Variants in DOCK11 observed in about 807,000 individuals in gnomAD.
DOCK11 encodes dedicator of cytokinesis protein 11.
In DOCK11, 70 loss-of-function variants were observed where a neutral mutation model predicts 169.1. The ratio of observed to expected loss-of-function variants is 0.41; its 90% confidence interval spans 0.34 to 0.51. The LOEUF is 0.51. Among genes scored for constraint, DOCK11 ranks in the 20% least tolerant of loss-of-function variants. The pLI is 0.10. For missense variants in DOCK11, 1,166 were observed against 1,538.8 expected (o/e 0.76, Z 4.05); for synonymous variants, 529 against 541.3 (o/e 0.98, Z 0.32).
intron 18 of DOCK11, 76 bp downstream of exon 18, chrX:118,588,554 G>T: frequency 2.5e-6 from 2 of 792,368 alleles, no homozygotes; most frequent in Non-Finnish European, 3.5e-6. Flanking sequence ...TTATGCTCTA[G>T]GTTTAATTTG....
chrX:118,681,817 G>C, intron 51 of DOCK11, 23 bp downstream of exon 51: 2 of 1,109,990 alleles, frequency 1.8e-6, no homozygotes, highest in Non-Finnish European at 2.4e-6. Context: ...TAGTTTTCAG[G>C]TTAGACCCGT....
chrX:118,683,811 G>A (rs1253278858), intron 52 of DOCK11, among the ~76,000 whole-genome samples: 1 of 111,757 alleles, frequency 8.9e-6, no homozygotes, highest in Middle Eastern at 4.2e-3. Context: ...ATCTACTGTC[G>A]TATTTCCCAC....
chrX:118,658,627 T>G (rs1233952782), intron 44 of DOCK11, among the ~76,000 whole-genome samples: 3 of 112,120 alleles, frequency 2.7e-5, no homozygotes, highest in Non-Finnish European at 5.6e-5. Context: ...CTCTTGCTTG[T>G]TCTACCAAAG....
intron 45 of DOCK11, among the ~76,000 whole-genome samples, chrX:118,667,681 T>C (rs1475375029): frequency 9.0e-6 from 1 of 111,591 alleles, no homozygotes; most frequent in Non-Finnish European, 1.9e-5. Context: ...TTGGCTATTC[T>C]ACGTCCTTTG....
Position 118,593,168 on chromosome X carries a change from A to C in DOCK11, c.2140-46A>C, listed in dbSNP as rs748996830. 3.4e-6 allele frequency: 4 copies of C among 1,166,755 alleles called. No individual in the cohort carries two copies. The South Asian group carries it at 8.2e-5, about 24-fold the overall frequency. On this transcript the variant is annotated intron_variant, in intron 19 of 52. Coordinates refer to ENST00000276202, the MANE Select transcript of DOCK11 (RefSeq NM_144658.4). ...AACTGAACTAATGTCTGACAGTTTC[A>C]GCTTGAGAAAACGAAGTTCCATGTG...
At chrX:118,498,005 A>G (rs775722989) in intron 1 of DOCK11, among the ~76,000 whole-genome samples, 4 of 112,441 alleles carry the variant, frequency 3.6e-5, no homozygotes, top group South Asian at 3.7e-4. Context: ...AAAAACTGTT[A>G]TTGGCAGGAG....
intron 1 of DOCK11, among the ~76,000 whole-genome samples, chrX:118,527,832 A>C (rs2011412054): frequency 8.9e-6 from 1 of 111,990 alleles, no homozygotes; most frequent in Admixed American, 9.5e-5. Context: ...CCCTCTCCCC[A>C]AAAAGATGTA....
chrX:118,551,513 A>G (rs2012491669), intron 6 of DOCK11, among the ~76,000 whole-genome samples: 1 of 111,753 alleles, frequency 8.9e-6, no homozygotes, highest in Non-Finnish European at 1.9e-5. Context: ...AGCCTGGGCA[A>G]CATAGCGAGC....
At chrX:118,658,989 A>T (rs2016149591) in intron 44 of DOCK11, among the ~76,000 whole-genome samples, 2 of 111,726 alleles carry the variant, frequency 1.8e-5, no homozygotes, top group Non-Finnish European at 3.8e-5. Flanking sequence ...TTCATTCCTT[A>T]CAGGGTAATG....
intron 6 of DOCK11, among the ~76,000 whole-genome samples, chrX:118,550,806 T>C (rs779787020): frequency 7.8e-4 from 87 of 112,085 alleles, no homozygotes; most frequent in Middle Eastern, 4.6e-3. Context: ...TCTTGGATAA[T>C]TGGAAAAGGC....
At chrX:118,504,005 AG>A (rs1270455460) in intron 1 of DOCK11, among the ~76,000 whole-genome samples, 21 of 110,705 alleles carry the variant, frequency 1.9e-4, no homozygotes, top group African/African-American at 6.9e-4. Flanking sequence ...CTTCCTGCTC[AG>A]GTGCTCAGGA....
chrX:118,572,319 A>G lies in DOCK11; in HGVS notation c.1036-4A>G. On this transcript the variant is annotated splice_polypyrimidine_tract_variant and splice_region_variant and intron_variant, in intron 10 of 52. Coordinates refer to ENST00000276202, the MANE Select transcript of DOCK11 (RefSeq NM_144658.4). The stretch of plus-strand genomic sequence containing the variant: ...GAAAATGATTCATACTATCTCTTTT[A>G]TAGAGGTTGGACTTTTCAGGAATTG... The G allele has an allele frequency of 8.5e-7, 1 of 1,171,692 alleles. No homozygotes were observed. The highest frequency in any genetic ancestry group is 1.1e-6 in the Non-Finnish European group (1 of 869,674).
chrX:118,666,495 A>G (rs1247915013), intron 45 of DOCK11, among the ~76,000 whole-genome samples: 1 of 111,352 alleles, frequency 9.0e-6, no homozygotes, highest in Non-Finnish European at 1.9e-5. Context: ...ATCATTCAAT[A>G]TGTACCTTTT....
Position 118,637,095 on chromosome X carries a change from T to TA in DOCK11, c.3953+684dup, listed in dbSNP as rs2015410281. Among the ~76,000 whole-genome samples the TA allele has an allele frequency of 2.7e-5, 3 of 112,490 alleles. No individual in the cohort carries two copies. In the South Asian group the frequency reaches 1.1e-3, roughly 41 times the overall value. On this transcript the variant is annotated intron_variant, in intron 36 of 52. Coordinates refer to ENST00000276202, the MANE Select transcript of DOCK11 (RefSeq NM_144658.4). ...ATACAAAACCCTTGGATTAAAGTCT[T>TA]ACAAACTTTTACGGAAAATGTCAGA...
At chrX:118,619,288 A>G (rs2014902772) in intron 31 of DOCK11, among the ~76,000 whole-genome samples, 1 of 105,552 alleles carries the variant, frequency 9.5e-6, no homozygotes, top group East Asian at 3.1e-4. Flanking sequence ...AGCCTGGGCA[A>G]CATGGTGAAA....
intron 1 of DOCK11, among the ~76,000 whole-genome samples, chrX:118,522,754 C>T (rs965300474): frequency 2.7e-5 from 3 of 111,608 alleles, no homozygotes; most frequent in East Asian, 2.8e-4. Context: ...TTGATTAGGT[C>T]GGGCCCACCT....
chrX:118,588,191 A>G lies in DOCK11; in HGVS notation c.1850A>G (p.Asn617Ser), dbSNP rs2013875513. ...PLKPFEKNCQ[N>S]ITVEVEEFVP... ...AAGCCTTTTGAAAAGAATTGCCAAA[A>G]TATTACTGTGGAGGTTGAAGAGTTT... Residue 617 changes from asparagine (N) to serine (S), a missense_variant, in exon 17 of 53, where the codon AAT (asparagine) becomes AGT (serine). By Grantham distance (46) the Asn-to-Ser change is conservative. Coordinates refer to ENST00000276202, the MANE Select transcript of DOCK11 (RefSeq NM_144658.4). 8.3e-7 allele frequency: 1 copy of G among 1,204,822 alleles called. No individual in the cohort carries two copies. Among genetic ancestry groups the G allele is most frequent in the Non-Finnish European group, 1.1e-6 (1 of 892,606 alleles).
intron 1 of DOCK11, among the ~76,000 whole-genome samples, chrX:118,507,385 G>A (rs1208470463): frequency 2.2e-5 from 2 of 92,433 alleles, no homozygotes; most frequent in Non-Finnish European, 4.5e-5. Context: ...TTTTTTTTCC[G>A]GAGACAGAGT....
At position 118,608,064 on chromosome X, in the gene DOCK11, C is replaced by T. The variant is rs2014579054; in HGVS notation, c.2682-8C>T. On this transcript the variant is annotated splice_polypyrimidine_tract_variant and splice_region_variant and intron_variant, in intron 24 of 52. Coordinates refer to ENST00000276202, the MANE Select transcript of DOCK11 (RefSeq NM_144658.4). The stretch of plus-strand genomic sequence containing the variant: ...ATGACATGCTGACTCTTGTGAATGT[C>T]GTTTCAGGGTTCTCTTACATATTGT... The T allele has an allele frequency of 2.5e-6, 3 of 1,182,439 alleles. No homozygotes were observed. Among genetic ancestry groups the T allele is most frequent in the South Asian group, 1.9e-5 (1 of 53,159 alleles).
Sources: gnomAD v4.1 joint callset for allele counts (sites outside exome capture counted in the v4.1 genomes callset) on GRCh38, gnomAD v4.1.1 for gene constraint, MANE v1.5 for transcripts, NCBI Gene and HGNC (gene_info 2026-07-23, HGNC 2026-07-21) for gene names.